Variants in POFUT2 observed in about 807,000 individuals in gnomAD.
POFUT2 encodes the protein protein O-fucosyltransferase 2.
POFUT2 carries 30 observed loss-of-function variants against 55.0 expected under a neutral mutation model. The observed-to-expected ratio is 0.55, with a 90% confidence interval of 0.41 to 0.74. The LOEUF (loss-of-function observed/expected upper bound fraction) is 0.74. Ranked by LOEUF, POFUT2 falls within the 30% of genes least tolerant of loss-of-function variation. The pLI, the probability that POFUT2 is intolerant of heterozygous loss-of-function variation, is 0.00. For missense variants in POFUT2, 524 were observed against 562.6 expected (o/e 0.93, Z 0.69); for synonymous variants, 267 against 231.1 (o/e 1.16, Z -1.41).
At chr21:45,275,297 A>C (rs1327241080) in intron 6 of POFUT2, among the ~76,000 whole-genome samples, 1 of 152,262 alleles carries the variant, frequency 6.6e-6, no homozygotes, top group Admixed American at 6.5e-5. Context: ...ATGCAGTGAA[A>C]GGGATACTGC....
Position 45,285,697 on chromosome 21 carries a change from C to G in POFUT2, c.363G>C (p.Glu121Asp). ...CCTCACCTGCGATGAACTGCTCATACTCGATGACGGGGATGTTTTTATTGA... is the reference window on the plus strand; with the variant it reads ...CCTCACCTGCGATGAACTGCTCATAGTCGATGACGGGGATGTTTTTATTGA... ...PSLNKNIPVI[E>D]YEQFIAESGG... The change falls in exon 2 of 9, where the codon GAG becomes GAC. Residue 121 changes from glutamate (E) to aspartate (D), a missense_variant. Around this residue, in one of 2 missense-constraint regions of POFUT2, gnomAD observed 274 missense variants for 244.4 expected, o/e 1.12. Transcript: ENST00000349485. The surrounding 1 kb of genome is among the most constrained non-coding windows in gnomAD (Gnocchi z 4.9). 6.2e-7 allele frequency: 1 copy of G among 1,613,810 alleles called. No individual in the cohort carries two copies. The highest frequency in any genetic ancestry group is 8.5e-7 in the Non-Finnish European group (1 of 1,180,022).
At position 45,269,898 on chromosome 21, in the gene POFUT2, C is replaced by G. The variant is rs139558758; in HGVS notation, c.953G>C (p.Ser318Thr). 328 of 1,611,298 alleles carry G rather than the reference C, an allele frequency of 2.0e-4. 1 individual carries two copies. The African/African-American group carries it at 3.9e-3, about 19-fold the overall frequency. ...SLEGAVRKIR[S>T]LMKTHRLDKV... ...GTCCAGCCGGTGGGTCTTCATGAGG[C>G]TGCGGATCTTCCTCACGGCCCCTTC... The change falls in exon 7 of 9, where the codon AGC becomes ACC. Residue 318 changes from serine to threonine, a missense_variant. Ser to Thr is a moderately conservative substitution (Grantham distance 58). Around this residue, in one of 2 missense-constraint regions of POFUT2, gnomAD observed 250 missense variants for 318.2 expected, o/e 0.79. Transcript: ENST00000349485.
rs1344390141 is a variant in POFUT2 at position 45,283,383 on chromosome 21, C to G, written c.527G>C (p.Arg176Thr). The G allele has an allele frequency of 6.2e-7, 1 of 1,606,220 alleles. No individual in the cohort carries two copies. The highest frequency in any genetic ancestry group is 8.5e-7 in the Non-Finnish European group (1 of 1,177,946). Residue 176 changes from arginine to threonine, a missense_variant and splice_region_variant, in exon 3 of 9, where the codon AGA becomes ACA. Arg to Thr is a moderately conservative substitution (Grantham distance 71). This residue lies in a region of POFUT2 where 274 missense variants were observed against 244.4 expected (regional missense o/e 1.12). Coordinates refer to ENST00000349485, the MANE Select transcript of POFUT2 (RefSeq NM_133635.6). Reference sequence around the variant, plus strand: ...CAGGGGGAGCAGCCTCAGCAGGCACCTGTAGTACTCGTGCTTGTCCTGGGA... The same window carrying G: ...CAGGGGGAGCAGCCTCAGCAGGCACGTGTAGTACTCGTGCTTGTCCTGGGA... ...LYSQDKHEYY[R>T]GWFWGYEETR...
chr21:45,264,398 CT>C lies in POFUT2; in HGVS notation c.*1083del, dbSNP rs2146528323. The C allele has an allele frequency of 6.6e-6, 1 of 152,230 alleles. No homozygotes were observed. The highest frequency in any genetic ancestry group is 2.4e-5 in the African/African-American group (1 of 41,510). The allele number at this position is 152,230 out of a possible 1,614,324, so 9.4% of individuals were successfully genotyped here. A position where few individuals can be genotyped will look rare whatever the true frequency, so the allele number is the denominator to read the frequency against. On this transcript the variant is annotated 3_prime_UTR_variant, in exon 9 of 9. Coordinates refer to ENST00000349485, the MANE Select transcript of POFUT2 (RefSeq NM_133635.6). ...GGGGGCTCCCTGACCCTGAGGACCC[CT>C]GAGGCACTGCTGCACCTTCCACGGA...
In POFUT2 at chr21:45,284,171, C is replaced by A. The variant is rs1048481512; in HGVS notation, c.383-644G>T. 3.3e-5 allele frequency among the ~76,000 whole-genome samples: 5 copies of A among 151,454 alleles called. No individual in the cohort carries two copies. The East Asian group carries it at 9.7e-4, about 29-fold the overall frequency. On this transcript the variant is annotated intron_variant, in intron 2 of 8. Coordinates refer to ENST00000349485, the MANE Select transcript of POFUT2 (RefSeq NM_133635.6). This position sits in a 1 kb window ranked among gnomAD's most constrained non-coding sequence, Gnocchi z 5.8. ...GCAGGAACAAAGCGGGAGGGAGCACCGCGCAGGTGAAATTCTGGGGCAGGA... is the reference window on the plus strand; with the variant it reads ...GCAGGAACAAAGCGGGAGGGAGCACAGCGCAGGTGAAATTCTGGGGCAGGA...
intron 4 of POFUT2, among the ~76,000 whole-genome samples, chr21:45,280,193 G>A (rs765913512): frequency 6.6e-6 from 1 of 152,218 alleles, no homozygotes; most frequent in Non-Finnish European, 1.5e-5. Flanking sequence ...GCTCTGCCCC[G>A]TCCTCAGGGG....
Position 45,265,725 on chromosome 21 carries a change from G to A in POFUT2, c.1137-90C>T. The stretch of plus-strand genomic sequence containing the variant: ...GGAGAACTGAGAGGAGCAGCTGAGT[G>A]AAATGAGTTCCACAGTTACATGGAA... On this transcript the variant is annotated intron_variant, in intron 8 of 8. Coordinates refer to ENST00000349485, the MANE Select transcript of POFUT2 (RefSeq NM_133635.6). The surrounding 1 kb of genome is among the most constrained non-coding windows in gnomAD (Gnocchi z 4.6). 6 of 1,520,470 alleles carry A rather than the reference G, an allele frequency of 3.9e-6. No individual in the cohort carries two copies. 94.2% of individuals were successfully genotyped at this position (1,520,470 alleles called of 1,614,324 possible).
At chr21:45,278,630 G>A (rs1421821462) in intron 4 of POFUT2, among the ~76,000 whole-genome samples, 3 of 152,196 alleles carry the variant, frequency 2.0e-5, no homozygotes, top group Non-Finnish European at 2.9e-5. Flanking sequence ...TGGTAGAGAC[G>A]CCATTCCTGG....
At chr21:45,280,386 C>T (rs1602210364) in intron 4 of POFUT2, among the ~76,000 whole-genome samples, 1 of 152,210 alleles carries the variant, frequency 6.6e-6, no homozygotes, top group Non-Finnish European at 1.5e-5. Context: ...ACACTCTATC[C>T]AGTGCGTGGC....
At position 45,284,126 on chromosome 21, in the gene POFUT2, C is replaced by T. The variant is rs1035029293; in HGVS notation, c.383-599G>A. 9.9e-5 allele frequency among the ~76,000 whole-genome samples: 15 copies of T among 151,678 alleles called. No homozygotes were observed. Among genetic ancestry groups the T allele is most frequent in the Admixed American group, 5.3e-4 (8 of 15,078 alleles). On this transcript the variant is annotated intron_variant, in intron 2 of 8. Coordinates refer to ENST00000349485, the MANE Select transcript of POFUT2 (RefSeq NM_133635.6). The surrounding 1 kb of genome is among the most constrained non-coding windows in gnomAD (Gnocchi z 5.8). Reference sequence around the variant, plus strand: ...GCAGGAATAAAGCGGGAGGGAGCACCGCGCAGGTGAAGTTCTGGGGCAGGA... The same window carrying T: ...GCAGGAATAAAGCGGGAGGGAGCACTGCGCAGGTGAAGTTCTGGGGCAGGA...
At position 45,277,304 on chromosome 21, in the gene POFUT2, A is replaced by G; in HGVS notation, c.706-162T>C. The G allele has an allele frequency of 1.1e-6, 1 of 896,796 alleles. No individual in the cohort carries two copies. The highest frequency in any genetic ancestry group is 1.6e-6 in the Non-Finnish European group (1 of 611,626). 55.6% of individuals were successfully genotyped at this position (896,796 alleles called of 1,614,324 possible). A position where few individuals can be genotyped will look rare whatever the true frequency, so the allele number is the denominator to read the frequency against. On this transcript the variant is annotated intron_variant, in intron 5 of 8. Coordinates refer to ENST00000349485, the MANE Select transcript of POFUT2 (RefSeq NM_133635.6). This position sits in a 1 kb window ranked among gnomAD's most constrained non-coding sequence, Gnocchi z 6.9. ...TGAGAAGCAGCGCCATCCACGGTGG[A>G]GGCTCTTGGAGGGTCTCCTGCATGA...
chr21:45,266,884 G>A (rs937412392), intron 8 of POFUT2: 79 of 1,006,340 alleles, frequency 7.9e-5, no homozygotes, highest in Non-Finnish European at 9.1e-5. Context: ...AACTCAAACC[G>A]TTTCACCCTA....
Position 45,285,901 on chromosome 21 carries a change from C to CG in POFUT2, c.158dup (p.Glu54GlyfsTer43), listed in dbSNP as rs2031351577. On this transcript the variant is annotated frameshift_variant, in exon 2 of 9. Coordinates refer to ENST00000349485, the MANE Select transcript of POFUT2 (RefSeq NM_133635.6). LOFTEE classifies it high-confidence loss of function. The surrounding 1 kb of genome is among the most constrained non-coding windows in gnomAD (Gnocchi z 4.9). ...CATCCCTGCGCAGGTTGAAGCCTTC[C>CG]GGGGGGTTGACGTCATACAGAAGAT... 3.7e-6 allele frequency: 6 copies of CG among 1,610,780 alleles called. No homozygotes were observed. Among genetic ancestry groups the CG allele is most frequent in the East Asian group, 2.2e-5 (1 of 44,856 alleles).
In POFUT2 at chr21:45,282,280, C is replaced by T; in HGVS notation, c.638+69G>A. On this transcript the variant is annotated intron_variant, in intron 4 of 8. Coordinates refer to ENST00000349485, the MANE Select transcript of POFUT2 (RefSeq NM_133635.6). The surrounding 1 kb of genome is among the most constrained non-coding windows in gnomAD (Gnocchi z 4.6). ...GATGCGGGAGTATGGGCGGAGAGCCCCCAGCCCAGCATGCACGGAGCAGAC... is the reference window on the plus strand; with the variant it reads ...GATGCGGGAGTATGGGCGGAGAGCCTCCAGCCCAGCATGCACGGAGCAGAC... 9.7e-7 allele frequency: 1 copy of T among 1,033,400 alleles called. No homozygotes were observed. The highest frequency in any genetic ancestry group is 1.5e-6 in the Non-Finnish European group (1 of 666,022). 64.0% of individuals were successfully genotyped at this position (1,033,400 alleles called of 1,614,324 possible).
intron 8 of POFUT2, chr21:45,266,262 G>A (rs1366614657): frequency 7.3e-7 from 1 of 1,367,552 alleles, no homozygotes; most frequent in Admixed American, 1.9e-5. Context: ...GATGTTTCCA[G>A]AGCAAATGTA....
chr21:45,285,794 A>G lies in POFUT2; in HGVS notation c.266T>C (p.Leu89Pro), dbSNP rs947225783. 6.2e-7 allele frequency: 1 copy of G among 1,613,748 alleles called. No homozygotes were observed. The highest frequency in any genetic ancestry group is 8.5e-7 in the Non-Finnish European group (1 of 1,180,022). Residue 89 changes from leucine (L) to proline (P), a missense_variant, in exon 2 of 9, where the codon CTC becomes CCC. Physicochemically the swap from Leu to Pro is moderately conservative, Grantham distance 98. Transcript: ENST00000349485. This position sits in a 1 kb window ranked among gnomAD's most constrained non-coding sequence, Gnocchi z 4.9. ...GATGTCAGGACTCTGCCAGTGATAG[A>G]GGCGGCCCCATGGAGGCAGGACAAG... Reference protein sequence around the residue: ...WVLVLPPWGRLYHWQSPDIHQ... With the variant: ...WVLVLPPWGRPYHWQSPDIHQ...
At position 45,267,062 on chromosome 21, in the gene POFUT2, AC is replaced by A; in HGVS notation, c.1136+527del. 1 of 1,102,238 alleles carries A rather than the reference AC, an allele frequency of 9.1e-7. No individual in the cohort carries two copies. The highest frequency in any genetic ancestry group is 1.1e-6 in the Non-Finnish European group (1 of 900,674). 68.3% of individuals were successfully genotyped at this position (1,102,238 alleles called of 1,614,324 possible). On this transcript the variant is annotated intron_variant, in intron 8 of 8. Transcript: ENST00000349485. The surrounding 1 kb of genome is among the most constrained non-coding windows in gnomAD (Gnocchi z 4.4). ...CACGAGAATGATCACACGAGGGCCC[AC>A]GCTCCCGGCCTCGGGGACGCTCACG...
intron 5 of POFUT2, 81 bp downstream of exon 5, chr21:45,278,022 G>A (rs2030014173): frequency 9.0e-7 from 1 of 1,105,530 alleles, no homozygotes; most frequent in Non-Finnish European, 1.4e-6. Context: ...AAAAAGAGCT[G>A]TCGACTGTTT....
chr21:45,267,718 A>T lies in POFUT2; in HGVS notation c.1013-5T>A. On this transcript the variant is annotated splice_polypyrimidine_tract_variant and splice_region_variant and intron_variant, in intron 7 of 8. Transcript: ENST00000349485. This position sits in a 1 kb window ranked among gnomAD's most constrained non-coding sequence, Gnocchi z 4.4. ...GCTTTTTTAGCTCTTCATATTCTGC[A>T]AAGTAGAAGGAGAGACCCTTTGAAC... 6.2e-7 allele frequency: 1 copy of T among 1,613,732 alleles called. No homozygotes were observed. Among genetic ancestry groups the T allele is most frequent in the Non-Finnish European group, 8.5e-7 (1 of 1,179,734 alleles).
Sources: gnomAD v4.1 joint callset for allele counts (sites outside exome capture counted in the v4.1 genomes callset) on GRCh38, gnomAD v4.1.1 for gene constraint, gnomAD v4.1.1 regional missense constraint, Gnocchi (gnomAD v3.1) non-coding constraint, MANE v1.5 for transcripts, NCBI Gene and HGNC (gene_info 2026-07-23, HGNC 2026-07-21) for gene names.